PAOX: variants seen among roughly 807,000 people sequenced by gnomAD.
PAOX encodes the protein peroxisomal N(1)-acetyl-spermine/spermidine oxidase.
Under a neutral mutation model 39.0 loss-of-function variants are expected in PAOX, and 38 were observed. The observed-to-expected ratio is 0.97, with a 90% CI of 0.75 to 1.28. PAOX has a LOEUF of 1.28. Among genes scored for constraint, PAOX ranks in the 50% most tolerant of loss-of-function variants. PAOX has a pLI of 0.00. For missense variants in PAOX, 667 were observed against 685.7 expected (o/e 0.97, Z 0.30); for synonymous variants, 311 against 314.4 (o/e 0.99, Z 0.11).
chr10:133,391,683 G>T lies in PAOX; in HGVS notation c.*228G>T. Reference sequence around the variant, plus strand: ...CGGAGATGCTGGACACATAAAGCAAGTTACAGCCACAGCTCCCAGAGCCAT... The same window carrying T: ...CGGAGATGCTGGACACATAAAGCAATTTACAGCCACAGCTCCCAGAGCCAT... On this transcript the variant is annotated 3_prime_UTR_variant, in exon 7 of 7. Transcript: ENST00000278060. The T allele has an allele frequency of 3.1e-6, 2 of 649,482 alleles. No homozygotes were observed. The highest frequency in any genetic ancestry group is 2.2e-5 in the South Asian group (1 of 45,692). The allele number at this position is 649,482 out of a possible 1,614,324, so 40.2% of individuals were successfully genotyped here. A position where few individuals can be genotyped will look rare whatever the true frequency, so the allele number is the denominator to read the frequency against.
intron 1 of PAOX, 144 bp from the exon 2 acceptor site, chr10:133,379,855 C>T: frequency 1.8e-6 from 2 of 1,139,758 alleles, no homozygotes; most frequent in East Asian, 2.5e-5. Flanking sequence ...TGACAGGGCC[C>T]TGCCCTGGGG....
At chr10:133,390,302 G>C (rs1849640571) in intron 6 of PAOX, among the ~76,000 whole-genome samples, 1 of 151,930 alleles carries the variant, frequency 6.6e-6, no homozygotes, top group South Asian at 2.1e-4. Context: ...ATGATGCTGA[G>C]GGCAGTGGCT....
At chr10:133,379,666 T>C in intron 1 of PAOX, 169 bp downstream of exon 1, 1 of 610,022 alleles carries the variant, frequency 1.6e-6, no homozygotes, top group Non-Finnish European at 2.4e-6. Flanking sequence ...AACTCAGGGC[T>C]CAGAGTTAGT....
chr10:133,390,888 C>A, intron 6 of PAOX: 1 of 660,372 alleles, frequency 1.5e-6, no homozygotes. Flanking sequence ...GTGTTTACAC[C>A]CCTTGTTTTC....
At position 133,381,665 on chromosome 10, in the gene PAOX, T is replaced by G; in HGVS notation, c.868+6T>G. On this transcript the variant is annotated splice_donor_region_variant and intron_variant, in intron 3 of 6. Transcript: ENST00000278060. ...CATCGTCACCGTGCCCTTAGGTAGGTCAGGTTTTCAGCCCAAACCCCCATC... is the reference window on the plus strand; with the variant it reads ...CATCGTCACCGTGCCCTTAGGTAGGGCAGGTTTTCAGCCCAAACCCCCATC... 6.2e-7 allele frequency: 1 copy of G among 1,612,478 alleles called. No individual in the cohort carries two copies. Among genetic ancestry groups the G allele is most frequent in the Non-Finnish European group, 8.5e-7 (1 of 1,179,830 alleles).
intron 1 of PAOX, 92 bp downstream of exon 1, chr10:133,379,589 C>G (rs1182420755): frequency 3.7e-6 from 4 of 1,069,506 alleles, no homozygotes; most frequent in Non-Finnish European, 4.8e-6. Context: ...CCGACCTGCC[C>G]GGCCGCCTCA....
intron 6 of PAOX, chr10:133,390,688 GCTCATGGTCT>G (rs1190260258): frequency 5.9e-6 from 3 of 508,540 alleles, no homozygotes; most frequent in East Asian, 6.8e-5. Context: ...TTTCCAATCA[GCTCATGGTCT>G]CTCTTCAGTG....
intron 3 of PAOX, among the ~76,000 whole-genome samples, chr10:133,383,164 G>T (rs1351726001): frequency 6.6e-6 from 1 of 152,082 alleles, no homozygotes; most frequent in African/African-American, 2.4e-5. Context: ...CAGCCTGGGA[G>T]ACCAGAGCGA....
In PAOX at chr10:133,385,741, G is replaced by A. The variant is rs917056982; in HGVS notation, c.1121+1529G>A. ...TGGAACTACAGGCACCCACCACCAC[G>A]CCCGGCTAATTGTTTGTATTTTTAG... is the stretch of plus-strand genomic sequence containing the variant. On this transcript the variant is annotated intron_variant, in intron 4 of 6. Coordinates refer to ENST00000278060, the MANE Select transcript of PAOX (RefSeq NM_152911.4). Among the ~76,000 whole-genome samples the A allele has an allele frequency of 5.9e-5, 9 of 151,934 alleles. No individual in the cohort carries two copies. In the South Asian group the frequency reaches 6.3e-4, roughly 11 times the overall value.
chr10:133,389,586 T>C lies in PAOX; in HGVS notation c.1235-4T>C. The C allele has an allele frequency of 6.2e-7, 1 of 1,613,944 alleles. No homozygotes were observed. The highest frequency in any genetic ancestry group is 1.1e-5 in the South Asian group (1 of 91,086). On this transcript the variant is annotated splice_region_variant and splice_polypyrimidine_tract_variant and intron_variant, in intron 5 of 6. Transcript: ENST00000278060. ...GGTTAACATGCAGTGTCTCTGTGGC[T>C]CAGGAAACCCACGGCTCCCCGCGCC...
intron 3 of PAOX, 41 bp downstream of exon 3, chr10:133,381,700 C>G: frequency 6.3e-7 from 1 of 1,597,228 alleles, no homozygotes; most frequent in Non-Finnish European, 8.6e-7. Flanking sequence ...CCCAAGTGCC[C>G]CCGCCTCTGC....
At position 133,391,406 on chromosome 10, in the gene PAOX, T is replaced by G. The variant is rs1405491030; in HGVS notation, c.1487T>G (p.Leu496Arg). 6.2e-7 allele frequency: 1 copy of G among 1,613,066 alleles called. No individual in the cohort carries two copies. The highest frequency in any genetic ancestry group is 2.2e-5 in the East Asian group (1 of 44,880). Reference protein sequence around the residue: ...LLSGWREADRLLSLWAPQVQQ... With the variant: ...LLSGWREADRRLSLWAPQVQQ... ...TCGGGATGGAGGGAGGCCGACCGCC[T>G]CCTCAGTCTGTGGGCCCCGCAGGTG... Residue 496 changes from leucine (L) to arginine (R), a missense_variant, in exon 7 of 7, where the codon CTC (leucine) becomes CGC (arginine). Transcript: ENST00000278060.
At chr10:133,379,865 G>A (rs1479711158) in intron 1 of PAOX, 134 bp from the exon 2 acceptor site, 8 of 1,209,946 alleles carry the variant, frequency 6.6e-6, no homozygotes, top group Non-Finnish European at 9.0e-6. Flanking sequence ...CTGCCCTGGG[G>A]GACCACAGGG....
chr10:133,381,621 G>C lies in PAOX; in HGVS notation c.830G>C (p.Arg277Pro). ...PVSVECEDGD[R>P]FPAHHVIVTV... Reference sequence around the variant, plus strand: ...TCGGTAGAGTGTGAGGATGGAGACCGGTTCCCGGCGCACCATGTCATCGTC... The same window carrying C: ...TCGGTAGAGTGTGAGGATGGAGACCCGTTCCCGGCGCACCATGTCATCGTC... Residue 277 changes from arginine to proline, a missense_variant, in exon 3 of 7, where the codon CGG (arginine) becomes CCG (proline). Arg to Pro is a moderately radical substitution (Grantham distance 103). Coordinates refer to ENST00000278060, the MANE Select transcript of PAOX (RefSeq NM_152911.4). 1.2e-6 allele frequency: 2 copies of C among 1,613,352 alleles called. No individual in the cohort carries two copies.
At chr10:133,383,625 C>T (rs554126857) in intron 3 of PAOX, among the ~76,000 whole-genome samples, 2 of 149,640 alleles carry the variant, frequency 1.3e-5, no homozygotes, top group East Asian at 3.9e-4. Flanking sequence ...AAAAAGAAAA[C>T]CCAAAAAACA....
chr10:133,391,519 C>T lies in PAOX; in HGVS notation c.*64C>T, dbSNP rs1450847047. On this transcript the variant is annotated 3_prime_UTR_variant, in exon 7 of 7. Transcript: ENST00000278060. ...AGGCTGGGACCCTCATTTCTTCTGA[C>T]AGATTTCAGTCTGGCTTGAAATTTG... is the stretch of plus-strand genomic sequence containing the variant. 6 of 1,532,208 alleles carry T rather than the reference C, an allele frequency of 3.9e-6. No homozygotes were observed. The highest frequency in any genetic ancestry group is 2.6e-6 in the Non-Finnish European group (3 of 1,142,826). The allele number at this position is 1,532,208 out of a possible 1,614,324, so 94.9% of individuals were successfully genotyped here.
At chr10:133,379,642 G>A (rs1474409380) in intron 1 of PAOX, 145 bp downstream of exon 1, 1 of 717,072 alleles carries the variant, frequency 1.4e-6, no homozygotes, top group Non-Finnish European at 1.9e-6. Flanking sequence ...ATCCGCCAGA[G>A]TTCACCGCCC....
Position 133,384,252 on chromosome 10 carries a change from CATAGGCCTTCATCTG to C in PAOX, c.1121+43_1121+57del. 6.2e-7 allele frequency: 1 copy of C among 1,601,962 alleles called. No individual in the cohort carries two copies. Among genetic ancestry groups the C allele is most frequent in the Non-Finnish European group, 8.5e-7 (1 of 1,173,242 alleles). On this transcript the variant is annotated intron_variant, in intron 4 of 6. Coordinates refer to ENST00000278060, the MANE Select transcript of PAOX (RefSeq NM_152911.4). This position sits in a 1 kb window ranked among gnomAD's most constrained non-coding sequence, Gnocchi z 4.3. ...TGAGAAGTTCTGCGAGTGGCTGGCT[CATAGGCCTTCATCTG>C]ATGGAGGACGCAGCAGTGTGTCTGT...
intron 6 of PAOX, chr10:133,390,890 C>T: frequency 1.5e-6 from 1 of 667,958 alleles, no homozygotes; most frequent in Non-Finnish European, 2.7e-6. Context: ...GTTTACACCC[C>T]TTGTTTTCTC....
Sources: gnomAD v4.1 joint callset for allele counts (sites outside exome capture counted in the v4.1 genomes callset) on GRCh38, gnomAD v4.1.1 for gene constraint, Gnocchi (gnomAD v3.1) non-coding constraint, MANE v1.5 for transcripts, NCBI Gene and HGNC (gene_info 2026-07-23, HGNC 2026-07-21) for gene names.